DAB1: variants seen among roughly 807,000 people sequenced by gnomAD.
The protein encoded by DAB1 is DAB adaptor protein 1.
Under a neutral mutation model 64.6 loss-of-function variants are expected in DAB1, and 15 were observed. That is an observed-to-expected ratio of 0.23 (90% CI 0.16 to 0.36). The LOEUF is 0.36. Ranked by LOEUF, DAB1 falls within the 10% of genes least tolerant of loss-of-function variation. DAB1 has a pLI of 1.00. For synonymous variants in DAB1, 235 were observed against 251.9 expected, an observed-to-expected ratio of 0.93 and a Z score of 0.64; for missense variants, 596 against 706.7, an observed-to-expected ratio of 0.84 and a Z score of 1.78.
At chr1:58,382,655 A>C (rs1644399512) in intron 3 of DAB1, among the ~76,000 whole-genome samples, 1 of 152,240 alleles carries the variant, frequency 6.6e-6, no homozygotes, top group South Asian at 2.1e-4. Context: ...AAAGCTTTTA[A>C]AACACAGTGT....
intron 5 of DAB1, among the ~76,000 whole-genome samples, chr1:57,891,932 G>A (rs767167211): frequency 7.2e-5 from 11 of 152,142 alleles, no homozygotes; most frequent in South Asian, 2.1e-4. Flanking sequence ...ACCATGGCAC[G>A]TGTATACCTA....
chr1:58,406,356 C>G (rs1307580915), intron 3 of DAB1, among the ~76,000 whole-genome samples: 1 of 152,344 alleles, frequency 6.6e-6, no homozygotes, highest in South Asian at 2.1e-4. Context: ...AGTCACCCAC[C>G]TGTAATTGGC....
chr1:57,085,580 A>G (rs1652990411), intron 4 of DAB1, among the ~76,000 whole-genome samples: 1 of 152,238 alleles, frequency 6.6e-6, no homozygotes, highest in Admixed American at 6.5e-5. Flanking sequence ...TCTACAGCAG[A>G]GAAGGGAGGT....
chr1:57,516,092 A>G (rs1644460949), intron 7 of DAB1, among the ~76,000 whole-genome samples: 1 of 152,218 alleles, frequency 6.6e-6, no homozygotes, highest in Non-Finnish European at 1.5e-5. Flanking sequence ...AAATAAATAA[A>G]TGCATTAAAG....
intron 1 of DAB1, among the ~76,000 whole-genome samples, chr1:57,410,773 G>A (rs1239402834): frequency 6.6e-6 from 1 of 152,182 alleles, no homozygotes; most frequent in Non-Finnish European, 1.5e-5. Context: ...GTGGTATCAG[G>A]TTAACCAAGT....
In DAB1 at chr1:57,946,971, AT is replaced by A. The variant is rs1417153946; in HGVS notation, n.388-62810del. On this transcript the variant is annotated intron_variant and non_coding_transcript_variant, in intron 5 of 20. Coordinates refer to the DAB1 transcript ENST00000485760. ...AGAGCTGGAAAAGATCTTAGAGTCC[AT>A]TTTTCAAGCCCTTTATTCTATTAAT... Among the ~76,000 whole-genome samples the A allele has an allele frequency of 2.0e-5, 3 of 152,236 alleles. No individual in the cohort carries two copies. In the East Asian group the frequency reaches 5.8e-4, roughly 29 times the overall value.
chr1:57,258,541 G>A (rs780519793), intron 2 of DAB1, among the ~76,000 whole-genome samples: 4 of 151,992 alleles, frequency 2.6e-5, no homozygotes, highest in East Asian at 1.9e-4. Flanking sequence ...GTAACACATC[G>A]AGATCATGAT....
intron 5 of DAB1, among the ~76,000 whole-genome samples, chr1:57,976,404 T>C (rs897077783): frequency 6.6e-6 from 1 of 152,206 alleles, no homozygotes; most frequent in African/African-American, 2.4e-5. Context: ...AACTGCTGTA[T>C]GCAGCTTTGC....
chr1:57,266,516 A>G (rs1316763609), intron 2 of DAB1, among the ~76,000 whole-genome samples: 4 of 142,750 alleles, frequency 2.8e-5, no homozygotes, highest in Non-Finnish European at 6.4e-5. Context: ...GCCTTCTCCA[A>G]TCTCCCAGGT....
chr1:57,458,860 T>G (rs1203324596), intron 7 of DAB1, among the ~76,000 whole-genome samples: 1 of 151,998 alleles, frequency 6.6e-6, no homozygotes, highest in African/African-American at 2.4e-5. Context: ...AAACCAAAAT[T>G]GATGTTTAAA....
chr1:57,903,240 G>A (rs1027076975), intron 5 of DAB1, among the ~76,000 whole-genome samples: 8 of 152,000 alleles, frequency 5.3e-5, no homozygotes, highest in African/African-American at 1.4e-4. Context: ...TATCAGCATC[G>A]GTTGTTAATA....
chr1:58,292,651 G>A (rs948310938), intron 4 of DAB1, among the ~76,000 whole-genome samples: 2 of 152,074 alleles, frequency 1.3e-5, no homozygotes, highest in African/African-American at 4.8e-5. Flanking sequence ...AGGGTTAAGG[G>A]TTGGAGTGTT....
intron 6 of DAB1, among the ~76,000 whole-genome samples, chr1:57,652,334 C>A (rs1646266600): frequency 6.6e-6 from 1 of 152,122 alleles, no homozygotes; most frequent in Non-Finnish European, 1.5e-5. Flanking sequence ...ATTGCACCCC[C>A]AATCAATCAG....
At chr1:57,218,610 G>A (rs114097114) in intron 2 of DAB1, among the ~76,000 whole-genome samples, 2,283 of 151,472 alleles carry the variant, frequency 0.015, 44 homozygotes, top group African/African-American at 0.053. Flanking sequence ...TGGAAGGATC[G>A]CTTGAGCGTG....
At chr1:58,027,177 G>T (rs1553153863) in intron 5 of DAB1, among the ~76,000 whole-genome samples, 1 of 152,176 alleles carries the variant, frequency 6.6e-6, no homozygotes, top group South Asian at 2.1e-4. Flanking sequence ...TTTTCTGGGA[G>T]AAATGTGAAA....
intron 5 of DAB1, among the ~76,000 whole-genome samples, chr1:57,989,463 A>T (rs1412628006): frequency 6.6e-6 from 1 of 152,236 alleles, no homozygotes; most frequent in Non-Finnish European, 1.5e-5. Context: ...GAATGAAGCC[A>T]GGACTACATG....
At chr1:57,052,467 T>G (rs1367800522) in intron 9 of DAB1, among the ~76,000 whole-genome samples, 1 of 152,198 alleles carries the variant, frequency 6.6e-6, no homozygotes, top group African/African-American at 2.4e-5. Flanking sequence ...TGATGCTTGT[T>G]CAGTGAGGCA....
intron 1 of DAB1, among the ~76,000 whole-genome samples, chr1:57,292,471 C>T (rs1455417383): frequency 6.6e-6 from 1 of 152,062 alleles, no homozygotes; most frequent in Non-Finnish European, 1.5e-5. Context: ...GTCCATGAAA[C>T]CATACACAGA....
chr1:58,400,422 G>A (rs1489650083), intron 3 of DAB1, among the ~76,000 whole-genome samples: 1 of 152,154 alleles, frequency 6.6e-6, no homozygotes, highest in Non-Finnish European at 1.5e-5. Context: ...TGGCTGTGGA[G>A]GGCAGCAGCC....
Sources: gnomAD v4.1 joint callset for allele counts (sites outside exome capture counted in the v4.1 genomes callset) on GRCh38, gnomAD v4.1.1 for gene constraint, MANE v1.5 for transcripts, NCBI Gene and HGNC (gene_info 2026-07-23, HGNC 2026-07-21) for gene names.